Variants in GNAO1 observed in about 807,000 individuals in gnomAD.
The protein encoded by GNAO1 is G protein subunit alpha o1.
For missense variants in GNAO1, 166 were observed against 478.7 expected (o/e 0.35, Z 6.10); for synonymous variants, 164 against 180.7 (o/e 0.91, Z 0.74).
At chr16:56,239,377 A>G (rs1243036882) in intron 2 of GNAO1, among the ~76,000 whole-genome samples, 1 of 152,200 alleles carries the variant, frequency 6.6e-6, no homozygotes, top group East Asian at 1.9e-4. Flanking sequence ...AACTCCCTTT[A>G]ATAATTAGGT....
intron 2 of GNAO1, chr16:56,235,406 GA>G (rs1243652933): frequency 2.2e-6 from 1 of 455,964 alleles, no homozygotes; most frequent in Non-Finnish European, 4.4e-6. Context: ...TAGCAGAACT[GA>G]AGGCCGGCGG....
intron 3 of GNAO1, among the ~76,000 whole-genome samples, chr16:56,296,120 G>A (rs1245541602): frequency 6.6e-6 from 1 of 152,204 alleles, no homozygotes; most frequent in Non-Finnish European, 1.5e-5. Context: ...AGACTGGAAA[G>A]TTTGATTAAG....
intron 2 of GNAO1, among the ~76,000 whole-genome samples, chr16:56,268,782 G>T (rs2036983841): frequency 6.6e-6 from 1 of 152,096 alleles, no homozygotes; most frequent in Non-Finnish European, 1.5e-5. Context: ...GAAAACAGCT[G>T]CACAGGACAC....
At chr16:56,320,676 A>G (rs1312659930) in intron 3 of GNAO1, among the ~76,000 whole-genome samples, 3 of 152,178 alleles carry the variant, frequency 2.0e-5, no homozygotes, top group Non-Finnish European at 4.4e-5. Context: ...CAGGTGCGGA[A>G]TGATGAGGTG....
chr16:56,207,458 C>G (rs1259510959), intron 2 of GNAO1, among the ~76,000 whole-genome samples: 1 of 152,108 alleles, frequency 6.6e-6, no homozygotes, highest in African/African-American at 2.4e-5. Flanking sequence ...GGTGATGTGG[C>G]CAGTACGTGG....
intron 6 of GNAO1, chr16:56,345,149 CCCGGTGACGGTGA>C (rs1367746150): frequency 1.0e-6 from 1 of 985,758 alleles, no homozygotes; most frequent in Non-Finnish European, 1.2e-6. Flanking sequence ...GGTAGCTTCT[CCCGGTGACGGTGA>C]CGCAGGTCTG....
At chr16:56,252,209 C>T (rs1267973636) in intron 2 of GNAO1, among the ~76,000 whole-genome samples, 2 of 152,214 alleles carry the variant, frequency 1.3e-5, no homozygotes, top group Non-Finnish European at 2.9e-5. Flanking sequence ...TACTGTGTTC[C>T]TCTTGGTTAT....
intron 5 of GNAO1, among the ~76,000 whole-genome samples, chr16:56,335,365 G>C (rs1388379821): frequency 1.2e-4 from 18 of 152,220 alleles, no homozygotes; most frequent in Non-Finnish European, 2.4e-4. Context: ...AGCACAGCTA[G>C]AACCCAGGGG....
At position 56,337,730 on chromosome 16, in the gene GNAO1, C is replaced by T. The variant is rs1486958062; in HGVS notation, c.723+870C>T. 2.6e-5 allele frequency among the ~76,000 whole-genome samples: 4 copies of T among 152,320 alleles called. No individual in the cohort carries two copies. In the South Asian group the frequency reaches 6.2e-4, roughly 24 times the overall value. ...TCTGGAGCTGTTTCTGGGACAGCAG[C>T]GCCAAGCTGGTGGTTGTACAGTTGC... is the stretch of plus-strand genomic sequence containing the variant. On this transcript the variant is annotated intron_variant, in intron 6 of 8. Transcript: ENST00000262493.
At chr16:56,230,428 C>T (rs1322887146) in intron 2 of GNAO1, among the ~76,000 whole-genome samples, 1 of 152,252 alleles carries the variant, frequency 6.6e-6, no homozygotes. Context: ...AGTGCCTCGC[C>T]TGGTCCCCTG....
At position 56,326,517 on chromosome 16, in the gene GNAO1, G is replaced by A. The variant is rs1022726490; in HGVS notation, c.304-2114G>A. 1.0e-4 allele frequency among the ~76,000 whole-genome samples: 16 copies of A among 152,382 alleles called. No individual in the cohort carries two copies. Among genetic ancestry groups the A allele is most frequent in the African/African-American group, 3.4e-4 (14 of 41,592 alleles). Reference sequence around the variant, plus strand: ...TTGGGAGGTCATTTCAGGAAGCACCGAGGAAGTGGGGAAGCCACACAGGAA... The same window carrying A: ...TTGGGAGGTCATTTCAGGAAGCACCAAGGAAGTGGGGAAGCCACACAGGAA... On this transcript the variant is annotated intron_variant, in intron 3 of 8. Coordinates refer to ENST00000262493, the MANE Select transcript of GNAO1 (RefSeq NM_020988.3). The surrounding 1 kb of genome is among the most constrained non-coding windows in gnomAD (Gnocchi z 4.8).
At chr16:56,196,784 G>A (rs1210083) in intron 2 of GNAO1, among the ~76,000 whole-genome samples, 19,381 of 152,164 alleles carry the variant, frequency 0.13, 1,557 homozygotes, top group African/African-American at 0.22. Context: ...TTGGTTGTGC[G>A]TCCATTCCCA....
chr16:56,260,225 C>T (rs1447788744), intron 2 of GNAO1, among the ~76,000 whole-genome samples: 6 of 152,168 alleles, frequency 3.9e-5, no homozygotes, highest in Admixed American at 3.3e-4. Flanking sequence ...GCCCAGCTCT[C>T]GCTACTGTGG....
chr16:56,347,722 G>C, intron 6 of GNAO1: 1 of 985,446 alleles, frequency 1.0e-6, no homozygotes, highest in South Asian at 4.7e-5. Flanking sequence ...CTTCCTGGCA[G>C]TGCAGCTCCG....
In GNAO1 at chr16:56,354,764, C is replaced by T; in HGVS notation, c.878-102C>T. 7.3e-6 allele frequency: 5 copies of T among 681,652 alleles called. No homozygotes were observed. The highest frequency in any genetic ancestry group is 7.3e-5 in the South Asian group (4 of 54,934). 42.2% of individuals were successfully genotyped at this position (681,652 alleles called of 1,614,324 possible). ...GCTCCCTTCCTGTCTCATCCCACTT[C>T]CTGGGACACGCCACAACCCACTTCT... On this transcript the variant is annotated intron_variant, in intron 7 of 8. Transcript: ENST00000262493. The surrounding 1 kb of genome is among the most constrained non-coding windows in gnomAD (Gnocchi z 4.3).
intron 2 of GNAO1, among the ~76,000 whole-genome samples, chr16:56,258,802 C>G (rs1357263899): frequency 6.6e-6 from 1 of 152,294 alleles, no homozygotes; most frequent in East Asian, 1.9e-4. Flanking sequence ...CTGGGAGAGA[C>G]AGGGGATTGG....
chr16:56,275,616 C>G (rs1336997790), intron 2 of GNAO1, among the ~76,000 whole-genome samples: 4 of 152,214 alleles, frequency 2.6e-5, no homozygotes, highest in African/African-American at 9.7e-5. Flanking sequence ...ATACTCATGA[C>G]TAACATACAT....
chr16:56,248,183 G>A (rs2036766764), intron 2 of GNAO1, among the ~76,000 whole-genome samples: 2 of 152,172 alleles, frequency 1.3e-5, no homozygotes, highest in South Asian at 2.1e-4. Flanking sequence ...TAATTGTGCT[G>A]TCTTAACATT....
At chr16:56,298,753 A>C (rs1417511472) in intron 3 of GNAO1, among the ~76,000 whole-genome samples, 1 of 151,938 alleles carries the variant, frequency 6.6e-6, no homozygotes, top group African/African-American at 2.4e-5. Flanking sequence ...TCTACTAAAA[A>C]ATACAAAAAA....
Sources: allele counts gnomAD v4.1 joint callset (sites outside exome capture counted in the v4.1 genomes callset), GRCh38; gene constraint gnomAD v4.1.1; non-coding constraint Gnocchi (gnomAD v3.1); transcripts MANE v1.5; gene names NCBI Gene and HGNC (gene_info 2026-07-23, HGNC 2026-07-21).